The following ROS1 variants were observed in gnomAD, a reference collection of about 807,000 sequenced individuals.
ROS1 encodes the protein ROS proto-oncogene 1, receptor tyrosine kinase.
In ROS1, 263 loss-of-function variants were observed where a neutral mutation model predicts 273.5. That is an observed-to-expected ratio of 0.96 (90% confidence interval 0.87 to 1.06). The LOEUF (loss-of-function observed/expected upper bound fraction) is 1.06. Among genes scored for constraint, ROS1 ranks in the 50% least tolerant of loss-of-function variants. ROS1 has a pLI of 0.00. For synonymous variants in ROS1, 1,008 were observed against 954.1 expected (o/e 1.06, Z -1.04); for missense variants, 2,833 against 2,751.1 (o/e 1.03, Z -0.67).
rs528073531 is a variant in ROS1 at position 117,376,177 on chromosome 6, G to A, written c.2582+2882C>T. Among the ~76,000 whole-genome samples, 12 of 152,092 alleles carry A rather than the reference G, an allele frequency of 7.9e-5. No homozygotes were observed. In the South Asian group the frequency reaches 1.2e-3, roughly 16 times the overall value. Reference sequence around the variant, plus strand: ...TGATCAAGAAAAAAATGTACCAATAGCAGAAGTATAAAAGGATATCACGAC... The same window carrying A: ...TGATCAAGAAAAAAATGTACCAATAACAGAAGTATAAAAGGATATCACGAC... On this transcript the variant is annotated intron_variant, in intron 18 of 43. Transcript: ENST00000368507.
chr6:117,352,205 C>T (rs1392991554), intron 27 of ROS1, among the ~76,000 whole-genome samples: 1 of 152,154 alleles, frequency 6.6e-6, no homozygotes, highest in Non-Finnish European at 1.5e-5. Flanking sequence ...CTCAGCCTCC[C>T]GAGTAGCTGG....
At chr6:117,338,335 T>C (rs1011190603) in intron 31 of ROS1, among the ~76,000 whole-genome samples, 15 of 151,944 alleles carry the variant, frequency 9.9e-5, no homozygotes, top group South Asian at 2.1e-4. Context: ...TAGACCACTA[T>C]GTACAGTAAG....
intron 28 of ROS1, among the ~76,000 whole-genome samples, chr6:117,343,567 G>A (rs1778121486): frequency 6.6e-6 from 1 of 152,144 alleles, no homozygotes; most frequent in African/African-American, 2.4e-5. Context: ...ATACAATGAT[G>A]ACTAAAAACA....
chr6:117,366,394 T>C, intron 18 of ROS1, 104 bp from the exon 19 acceptor site: 1 of 721,692 alleles, frequency 1.4e-6, no homozygotes, highest in Non-Finnish European at 2.4e-6. Flanking sequence ...CTGTACGCAT[T>C]TGTGTACATT....
intron 1 of ROS1, among the ~76,000 whole-genome samples, chr6:117,423,001 C>T (rs2128750872): frequency 6.6e-6 from 1 of 151,752 alleles, no homozygotes; most frequent in East Asian, 1.9e-4. Flanking sequence ...ATATTAGTTC[C>T]TCAGTTGTTG....
intron 26 of ROS1, 111 bp downstream of exon 26, chr6:117,356,518 G>A (rs1779316297): frequency 2.0e-6 from 2 of 988,968 alleles, no homozygotes; most frequent in Admixed American, 5.2e-5. Context: ...ATGGTACAGA[G>A]CAAATATCAT....
intron 4 of ROS1, among the ~76,000 whole-genome samples, chr6:117,411,401 G>T (rs1218714194): frequency 6.6e-6 from 1 of 151,984 alleles, no homozygotes; most frequent in East Asian, 1.9e-4. Flanking sequence ...ATCTAAAGAT[G>T]GTTGGATTTA....
At position 117,362,880 on chromosome 6, in the gene ROS1, C is replaced by A. The variant is rs1008604542; in HGVS notation, c.3104-15G>T. 6.3e-7 allele frequency: 1 copy of A among 1,594,340 alleles called. No homozygotes were observed. The highest frequency in any genetic ancestry group is 1.4e-5 in the African/African-American group (1 of 73,880). On this transcript the variant is annotated splice_polypyrimidine_tract_variant and intron_variant, in intron 21 of 43. Coordinates refer to ENST00000368507, the MANE Select transcript of ROS1 (RefSeq NM_001378902.1). ...TGCTGATGGAACTGAAAAGTAGAGG[C>A]ACAGGTAGAGCAGAAAAGAATATAA...
At chr6:117,403,496 T>C (rs1774123783) in intron 6 of ROS1, among the ~76,000 whole-genome samples, 1 of 152,172 alleles carries the variant, frequency 6.6e-6, no homozygotes, top group Non-Finnish European at 1.5e-5. Flanking sequence ...TTATTTGGCA[T>C]TTACCTCAAG....
At chr6:117,357,734 C>A (rs1018369549) in intron 25 of ROS1, 70 bp downstream of exon 25, 5 of 1,074,158 alleles carry the variant, frequency 4.7e-6, no homozygotes, top group Non-Finnish European at 5.4e-6. Flanking sequence ...ACTATTAAAC[C>A]AAAGACATTA....
At chr6:117,393,958 A>G (rs2128712227) in intron 11 of ROS1, among the ~76,000 whole-genome samples, 1 of 152,320 alleles carries the variant, frequency 6.6e-6, no homozygotes, top group Non-Finnish European at 1.5e-5. Context: ...AAGGTGATTT[A>G]ATGCTATGTC....
At chr6:117,358,975 A>G (rs1779557445) in intron 24 of ROS1, among the ~76,000 whole-genome samples, 1 of 152,134 alleles carries the variant, frequency 6.6e-6, no homozygotes, top group Non-Finnish European at 1.5e-5. Flanking sequence ...AAATATCTTT[A>G]CTGGCTTGCT....
Position 117,288,479 on chromosome 6 carries a change from C to T in ROS1, c.*13G>A, listed in dbSNP as rs1773586069. 1 of 1,592,686 alleles carries T rather than the reference C, an allele frequency of 6.3e-7. No homozygotes were observed. The highest frequency in any genetic ancestry group is 8.5e-7 in the Non-Finnish European group (1 of 1,170,802). On this transcript the variant is annotated 3_prime_UTR_variant, in exon 44 of 44. Coordinates refer to ENST00000368507, the MANE Select transcript of ROS1 (RefSeq NM_001378902.1). ...AGTGTTTATCTCAACTCTCTATTTC[C>T]CAAACAACGCTATTAATCAGACCCA... is the stretch of plus-strand genomic sequence containing the variant.
intron 28 of ROS1, among the ~76,000 whole-genome samples, chr6:117,343,592 G>A (rs1210834053): frequency 1.3e-4 from 20 of 152,174 alleles, no homozygotes; most frequent in Admixed American, 1.3e-3. Context: ...CTGCATAGCA[G>A]TATATTTCTC....
rs111323930 is a variant in ROS1 at position 117,394,437 on chromosome 6, A to G, written c.1007-91T>C. The G allele has an allele frequency of 1.7e-4, 146 of 881,014 alleles. No homozygotes were observed. In the African/African-American group the frequency reaches 1.9e-3, roughly 11 times the overall value. 54.6% of individuals were successfully genotyped at this position (881,014 alleles called of 1,614,324 possible). On this transcript the variant is annotated intron_variant, in intron 10 of 43. Transcript: ENST00000368507. The stretch of plus-strand genomic sequence containing the variant: ...TGAGAATTTATTTATTTAATGATTA[A>G]TAAATTAAAATAGAAGTATTTTATT...
chr6:117,331,925 TGCATCAACTA>T (rs1437309585), intron 32 of ROS1, among the ~76,000 whole-genome samples: 1 of 152,118 alleles, frequency 6.6e-6, no homozygotes, highest in East Asian at 1.9e-4. Context: ...ATGAAGAAAC[TGCATCAACTA>T]GCATGCAAAA....
At position 117,356,794 on chromosome 6, in the gene ROS1, G is replaced by A. The variant is rs770990202; in HGVS notation, c.3961C>T (p.Gln1321Ter). ...AATTCAGTCACATTACAAGAACATT[G>A]ATTCCTTTTGTTTTGTTGGTTTGTA... is the stretch of plus-strand genomic sequence containing the variant. Reference protein sequence around the residue: ...TATNQQNKRNQCSCNVTEFEL... With the variant: ...TATNQQNKRN The change falls in exon 26 of 44, where the codon CAA (glutamine) becomes TAA (stop). Residue 1321 changes from glutamine (Q) to a stop codon, truncating the protein, a stop_gained. Transcript: ENST00000368507. LOFTEE classifies it high-confidence loss of function. The A allele has an allele frequency of 1.2e-6, 2 of 1,614,080 alleles. No individual in the cohort carries two copies. The highest frequency in any genetic ancestry group is 1.7e-6 in the Non-Finnish European group (2 of 1,179,996).
chr6:117,323,267 A>G (rs1312794089), intron 35 of ROS1, among the ~76,000 whole-genome samples: 1 of 152,136 alleles, frequency 6.6e-6, no homozygotes, highest in Non-Finnish European at 1.5e-5. Flanking sequence ...TCGAGCTTCA[A>G]AGTGCTCTCA....
Position 117,362,875 on chromosome 6 carries a change from A to T in ROS1, c.3104-10T>A, listed in dbSNP as rs896518923. 1 of 1,604,262 alleles carries T rather than the reference A, an allele frequency of 6.2e-7. No homozygotes were observed. The highest frequency in any genetic ancestry group is 1.3e-5 in the African/African-American group (1 of 74,526). On this transcript the variant is annotated splice_polypyrimidine_tract_variant and intron_variant, in intron 21 of 43. Coordinates refer to ENST00000368507, the MANE Select transcript of ROS1 (RefSeq NM_001378902.1). ...TCTGGTGCTGATGGAACTGAAAAGT[A>T]GAGGCACAGGTAGAGCAGAAAAGAA...
Sources: gnomAD v4.1 joint callset for allele counts (sites outside exome capture counted in the v4.1 genomes callset) on GRCh38, gnomAD v4.1.1 for gene constraint, MANE v1.5 for transcripts, NCBI Gene and HGNC (gene_info 2026-07-23, HGNC 2026-07-21) for gene names.